The following ANKFY1 variants were observed in gnomAD, a reference collection of about 807,000 sequenced individuals.
ANKFY1 encodes the protein ankyrin repeat and FYVE domain-containing protein 1.
In ANKFY1, 47 loss-of-function variants were observed where a neutral mutation model predicts 128.3. The ratio of observed to expected loss-of-function variants is 0.37; its 90% CI spans 0.29 to 0.47. ANKFY1 has a LOEUF of 0.47. ANKFY1 is among the 20% of genes least tolerant of loss of function. The probability of loss-of-function intolerance (pLI) is 1.00; values close to 1 mark genes in which losing one functional copy is unlikely to be tolerated. For missense variants in ANKFY1, 1,222 were observed against 1,510.6 expected, an observed-to-expected ratio of 0.81 and a Z score of 3.17; for synonymous variants, 553 against 601.6, an observed-to-expected ratio of 0.92 and a Z score of 1.18.
In ANKFY1 at chr17:4,182,195, T is replaced by C. The variant is rs756502188; in HGVS notation, c.2107A>G (p.Ile703Val). 1.3e-6 allele frequency: 2 copies of C among 1,542,654 alleles called. No homozygotes were observed. The highest frequency in any genetic ancestry group is 1.8e-6 in the Non-Finnish European group (2 of 1,136,170). ...WLALANNLEDIASTLVRHGCD... is the reference protein window; with the variant it reads ...WLALANNLEDVASTLVRHGCD... ...GCCTGTCTCACCAGAGTGGATGCGA[T>C]GTCCTCCAGATTGTTTGCCAATGCA... is the stretch of plus-strand genomic sequence containing the variant. Residue 703 changes from isoleucine (I) to valine (V), a missense_variant, in exon 15 of 25, where the codon ATC becomes GTC. Ile to Val is a conservative substitution (Grantham distance 29). Transcript: ENST00000341657.
intron 4 of ANKFY1, 104 bp from the exon 5 acceptor site, chr17:4,210,051 A>G: frequency 9.2e-7 from 1 of 1,081,836 alleles, no homozygotes; most frequent in South Asian, 1.6e-5. Flanking sequence ...TCCTATTAAT[A>G]ACACTATGGG....
rs550244359 is a variant in ANKFY1 at position 4,174,392 on chromosome 17, A to G, written c.2776-336T>C. 2.0e-4 allele frequency among the ~76,000 whole-genome samples: 30 copies of G among 152,300 alleles called. No homozygotes were observed. The South Asian group carries it at 6.2e-3, about 32-fold the overall frequency. ...CGGGTGTCTACTGCTTGGAATAGGA[A>G]AGCCTGAAGGCAAAGGGGTTTGGTT... On this transcript the variant is annotated intron_variant, in intron 19 of 24. Transcript: ENST00000341657.
chr17:4,185,899 GCTTCTTCTTTAGCTCCGTCT>G (rs1193216182), intron 11 of ANKFY1, among the ~76,000 whole-genome samples: 1 of 152,062 alleles, frequency 6.6e-6, no homozygotes. Context: ...TGTGGCCGTC[GCTTCTTCTTTAGCTCCGTCT>G]CTGTGGCCTG....
chr17:4,170,547 C>T (rs1387218868), intron 23 of ANKFY1, among the ~76,000 whole-genome samples, 168 bp downstream of exon 23: 5 of 152,194 alleles, frequency 3.3e-5, no homozygotes, highest in East Asian at 1.9e-4. Flanking sequence ...CTTCCCAACA[C>T]GCTCAAAAGT....
chr17:4,182,064 G>A, intron 15 of ANKFY1, 117 bp downstream of exon 15: 1 of 1,065,546 alleles, frequency 9.4e-7, no homozygotes, highest in Non-Finnish European at 1.3e-6. Context: ...GCTTGTCCTT[G>A]TCCCACTATG....
chr17:4,184,722 G>A, intron 12 of ANKFY1, 96 bp downstream of exon 12: 3 of 1,369,832 alleles, frequency 2.2e-6, no homozygotes, highest in Non-Finnish European at 3.1e-6. Context: ...CTAGCCATAT[G>A]AAACTCACCA....
At chr17:4,197,688 T>C in intron 7 of ANKFY1, 111 bp from the exon 8 acceptor site, 1 of 976,224 alleles carries the variant, frequency 1.0e-6, no homozygotes, top group Non-Finnish European at 1.6e-6. Flanking sequence ...TAACTAGATG[T>C]GTCTGAAGGA....
At position 4,217,099 on chromosome 17, in the gene ANKFY1, C is replaced by T. The variant is rs753549955; in HGVS notation, c.342G>A (p.Thr114=). 20 of 1,612,158 alleles carry T rather than the reference C, an allele frequency of 1.2e-5. No individual in the cohort carries two copies. Among genetic ancestry groups the T allele is most frequent in the African/African-American group, 1.1e-4 (8 of 74,860 alleles). The stretch of plus-strand genomic sequence containing the variant: ...TATAGATCCAGCGAAGCATTGTCAT[C>T]GTCACCTCAGGATTAGCATCTGGTT... ...LDLSDANPEV[T]MTMLRWIYTD... The change falls in exon 4 of 25, where the codon ACG becomes ACA. Residue 114 remains threonine (T), a synonymous_variant. Coordinates refer to ENST00000341657, the MANE Select transcript of ANKFY1 (RefSeq NM_001330063.2).
chr17:4,263,489 A>AACC, intron 1 of ANKFY1: 1 of 1,088,556 alleles, frequency 9.2e-7, no homozygotes, highest in Non-Finnish European at 1.3e-6. Flanking sequence ...CCTCACCCCA[A>AACC]CCCAGCCCGA....
Position 4,249,489 on chromosome 17 carries a change from G to A in ANKFY1, c.11-7041C>T, listed in dbSNP as rs140794731. ...CTTAAGGACTGCATAAAAACAAGTC[G>A]ACAGGTCTCAGGTCAGATTTGGCTG... On this transcript the variant is annotated intron_variant, in intron 1 of 24. Coordinates refer to ENST00000341657, the MANE Select transcript of ANKFY1 (RefSeq NM_001330063.2). 5.6e-3 allele frequency among the ~76,000 whole-genome samples: 846 copies of A among 152,074 alleles called. 9 individuals are homozygous for A. Among genetic ancestry groups the A allele is most frequent in the African/African-American group, 0.02 (815 of 41,464 alleles).
At position 4,163,900 on chromosome 17, in the gene ANKFY1, TTAAA is replaced by T. The variant is rs547829472; in HGVS notation, c.*3875_*3878del. 253 of 152,818 alleles carry T rather than the reference TTAAA, an allele frequency of 1.7e-3. 1 individual carries two copies. The highest frequency in any genetic ancestry group is 5.7e-3 in the African/African-American group (237 of 41,588). 9.5% of individuals were successfully genotyped at this position (152,818 alleles called of 1,614,324 possible). ...CAAATGTCTTATTAAAGTTTCCACT[TTAAA>T]TGCACAATTTTACTTCATTTTATTA... On this transcript the variant is annotated 3_prime_UTR_variant, in exon 25 of 25. Transcript: ENST00000341657.
intron 2 of ANKFY1, 88 bp downstream of exon 2, chr17:4,242,168 T>C (rs1967271426): frequency 1.4e-5 from 18 of 1,294,838 alleles, no homozygotes; most frequent in Non-Finnish European, 1.8e-5. Flanking sequence ...TAGAGATAAA[T>C]AAATTTTGGA....
At chr17:4,222,466 G>A (rs1195542722) in intron 3 of ANKFY1, 2 of 822,624 alleles carry the variant, frequency 2.4e-6, no homozygotes, top group East Asian at 2.4e-5. Context: ...AGCGGACAAT[G>A]TTTTGGCAAT....
Position 4,165,339 on chromosome 17 carries a change from A to G in ANKFY1, c.*2440T>C, listed in dbSNP as rs2059193117. On this transcript the variant is annotated 3_prime_UTR_variant, in exon 25 of 25. Transcript: ENST00000341657. ...CTGCTCTACTCATTCAGAAGTGGCA[A>G]CTTTCTGAATGAATTTAAGTTTTTG... is the stretch of plus-strand genomic sequence containing the variant. 1 of 152,228 alleles carries G rather than the reference A, an allele frequency of 6.6e-6. No individual in the cohort carries two copies. Among genetic ancestry groups the G allele is most frequent in the Non-Finnish European group, 1.5e-5 (1 of 68,038 alleles). 9.4% of individuals were successfully genotyped at this position (152,228 alleles called of 1,614,324 possible).
In ANKFY1 at chr17:4,183,809, T is replaced by C. The variant is rs764166946; in HGVS notation, c.1798+3A>G. 9.9e-6 allele frequency: 16 copies of C among 1,608,850 alleles called. No homozygotes were observed. Among genetic ancestry groups the C allele is most frequent in the Non-Finnish European group, 1.4e-5 (16 of 1,175,260 alleles). ...GACATCAGCGGCCCCGGCACAGCCT[T>C]ACCAGTCCATAATGCCAGGCCCAGC... On this transcript the variant is annotated splice_donor_region_variant and intron_variant, in intron 13 of 24. Coordinates refer to ENST00000341657, the MANE Select transcript of ANKFY1 (RefSeq NM_001330063.2).
intron 10 of ANKFY1, among the ~76,000 whole-genome samples, chr17:4,193,595 T>G (rs1302472543): frequency 6.6e-6 from 1 of 151,708 alleles, no homozygotes; most frequent in East Asian, 1.9e-4. Context: ...CCCGGCTAAT[T>G]TTTGTATTTC....
chr17:4,241,268 T>G (rs1967201043), intron 2 of ANKFY1, among the ~76,000 whole-genome samples: 129 of 6,528 alleles, frequency 0.02, no homozygotes, highest in Middle Eastern at 0.1. Flanking sequence ...TTCTTCTTCT[T>G]CTTCTTCTTT....
chr17:4,224,405 G>A (rs2060386382), intron 3 of ANKFY1, among the ~76,000 whole-genome samples: 1 of 151,672 alleles, frequency 6.6e-6, no homozygotes, highest in South Asian at 2.1e-4. Flanking sequence ...TGTATTTTTA[G>A]TAGAGACGGG....
chr17:4,195,558 A>C, intron 8 of ANKFY1, 87 bp from the exon 9 acceptor site: 1 of 977,734 alleles, frequency 1.0e-6, no homozygotes, highest in Non-Finnish European at 1.6e-6. Flanking sequence ...TCCCAGGCAG[A>C]ATCACCACCC....
Sources: gnomAD v4.1 joint callset for allele counts (sites outside exome capture counted in the v4.1 genomes callset) on GRCh38, gnomAD v4.1.1 for gene constraint, MANE v1.5 for transcripts, NCBI Gene and HGNC (gene_info 2026-07-23, HGNC 2026-07-21) for gene names.